Variants in PLCB2 observed in about 807,000 individuals in gnomAD.
PLCB2 encodes the protein 1-phosphatidylinositol 4,5-bisphosphate phosphodiesterase beta-2.
A neutral mutation model predicts 141.7 loss-of-function variants in PLCB2; 115 were observed. That is an observed-to-expected ratio of 0.81 (90% CI 0.70 to 0.95). The LOEUF is 0.95. Ranked by LOEUF, PLCB2 falls within the 40% of genes least tolerant of loss-of-function variation. The probability of loss-of-function intolerance (pLI) is 0.00; values close to 1 mark genes in which losing one functional copy is unlikely to be tolerated. For missense variants in PLCB2, 1,403 were observed against 1,541.1 expected, an observed-to-expected ratio of 0.91 and a Z score of 1.50; for synonymous variants, 603 against 595.6, an observed-to-expected ratio of 1.01 and a Z score of -0.18.
At chr15:40,301,801 T>A in intron 7 of PLCB2, 156 bp downstream of exon 7, 1 of 718,258 alleles carries the variant, frequency 1.4e-6, no homozygotes, top group Non-Finnish European at 2.5e-6. Context: ...CTGTGCCTAG[T>A]GTCAGTAACC....
At chr15:40,299,033 C>A (rs2141126689) in intron 8 of PLCB2, 69 bp from the exon 9 acceptor site, 2 of 1,581,066 alleles carry the variant, frequency 1.3e-6, no homozygotes, top group Non-Finnish European at 1.7e-6. Context: ...CCCCCTTGTC[C>A]AGTGAAGCCT....
chr15:40,294,170 A>C, intron 19 of PLCB2, 96 bp downstream of exon 19: 1 of 1,241,376 alleles, frequency 8.1e-7, no homozygotes, highest in Non-Finnish European at 1.2e-6. Flanking sequence ...CCAGGATATC[A>C]GGGGAGGGGG....
At position 40,291,459 on chromosome 15, in the gene PLCB2, G is replaced by T. The variant is rs1386368203; in HGVS notation, c.2676C>A (p.Leu892=). The T allele has an allele frequency of 3.2e-6, 5 of 1,563,780 alleles. No homozygotes were observed. The highest frequency in any genetic ancestry group is 4.3e-6 in the Non-Finnish European group (5 of 1,160,150). Residue 892 remains leucine (L), a synonymous_variant, in exon 26 of 32, where the codon CTC becomes CTA. Transcript: ENST00000260402. ...GCTTCACCACGCCCTTTAGCTCCCGGAGCTCCTCCAGGCTGGCGGTCCGCG... is the reference window on the plus strand; with the variant it reads ...GCTTCACCACGCCCTTTAGCTCCCGTAGCTCCTCCAGGCTGGCGGTCCGCG... The part of the protein sequence containing the change: ...AEPRTASLEE[L]RELKGVVKLQ...
downstream of PLCB2, chr15:40,286,175 T>C (rs2141010780): frequency 2.7e-6 from 1 of 371,100 alleles, no homozygotes; most frequent in Admixed American, 6.4e-5. Flanking sequence ...CTTAGGGAGC[T>C]GAAGGCTGAC....
Position 40,298,254 on chromosome 15 carries a change from C to A in PLCB2, c.1124G>T (p.Gly375Val). The change falls in exon 11 of 32, where the codon GGC becomes GTC. Residue 375 changes from glycine (G) to valine (V), a missense_variant. Coordinates refer to ENST00000260402, the MANE Select transcript of PLCB2 (RefSeq NM_004573.3). ...PPDEEPIITH[G>V]FTMTTDIFFK... ...GAAGATGTCTGTGGTCATGGTGAAG[C>A]CATGGGTGATAATGGGCTCCTCGTC... 6.3e-7 allele frequency: 1 copy of A among 1,583,154 alleles called. No individual in the cohort carries two copies. Among genetic ancestry groups the A allele is most frequent in the Non-Finnish European group, 8.6e-7 (1 of 1,163,398 alleles).
In PLCB2 at chr15:40,297,344, C is replaced by T. The variant is rs558439359; in HGVS notation, c.1323+177G>A. ...GCAGTGACTGTGTCTTTGTCACTAG[C>T]ATACCCTGAAGCCCAGCCCAGTGCC... On this transcript the variant is annotated intron_variant, in intron 13 of 31. Transcript: ENST00000260402. The surrounding 1 kb of genome is among the most constrained non-coding windows in gnomAD (Gnocchi z 4.2). Among the ~76,000 whole-genome samples the T allele has an allele frequency of 3.9e-5, 6 of 152,272 alleles. No homozygotes were observed. The East Asian group carries it at 1.2e-3, about 29-fold the overall frequency.
intron 11 of PLCB2, 71 bp from the exon 12 acceptor site, chr15:40,298,030 C>A (rs191333961): frequency 1.6e-6 from 2 of 1,278,916 alleles, no homozygotes; most frequent in African/African-American, 1.5e-5. Context: ...AGCACTTTTC[C>A]CCCCTGCCTA....
chr15:40,293,681 T>C lies in PLCB2; in HGVS notation c.2105A>G (p.Tyr702Cys), dbSNP rs201519816. 5.0e-6 allele frequency: 8 copies of C among 1,614,058 alleles called. No individual in the cohort carries two copies. Among genetic ancestry groups the C allele is most frequent in the Non-Finnish European group, 6.8e-6 (8 of 1,179,974 alleles). Residue 702 changes from tyrosine to cysteine, a missense_variant, in exon 20 of 32, where the codon TAT becomes TGT. Transcript: ENST00000260402. ...QFLSERSVRTYVEVELFGLPG... is the reference protein window; with the variant it reads ...QFLSERSVRTCVEVELFGLPG... ...AAGGCCAAACAGCTCCACTTCTACA[T>C]AGGTGCGCACGCTGCGTTCTGACAG...
At chr15:40,303,895 T>G in intron 2 of PLCB2, 106 bp downstream of exon 2, 1 of 774,958 alleles carries the variant, frequency 1.3e-6, no homozygotes, top group Non-Finnish European at 2.2e-6. Context: ...TCCAGGCCAT[T>G]CTGTACTCCC....
chr15:40,300,623 T>G (rs1307832335), intron 7 of PLCB2: 1 of 152,204 alleles, frequency 6.6e-6, no homozygotes, highest in Non-Finnish European at 1.5e-5. Context: ...GGATAAACCT[T>G]GAAAACATTA....
chr15:40,307,541 GC>G (rs2040858792), intron 1 of PLCB2, 47 bp downstream of exon 1: 4 of 1,234,756 alleles, frequency 3.2e-6, no homozygotes, highest in South Asian at 1.4e-5. Context: ...TAGCAGCCCG[GC>G]CCCCACCACC....
Position 40,301,999 on chromosome 15 carries a change from C to A in PLCB2, c.540G>T (p.Arg180=), listed in dbSNP as rs778370202. 4 of 1,614,128 alleles carry A rather than the reference C, an allele frequency of 2.5e-6. No homozygotes were observed. The South Asian group carries it at 4.4e-5, about 18-fold the overall frequency. Residue 180 remains arginine (R), a synonymous_variant, in exon 7 of 32, where the codon CGG becomes CGT. Transcript: ENST00000260402. ...GGCAGGCACTGAGAGCAGCTTCCAC[C>A]CGCTTGCGGTCAGCAGGAAACATCT... ...FFQMFPADRK[R]VEAALSACHL...
At chr15:40,289,469 A>T in intron 30 of PLCB2, 111 bp from the exon 31 acceptor site, 1 of 777,950 alleles carries the variant, frequency 1.3e-6, no homozygotes, top group Non-Finnish European at 2.3e-6. Context: ...AAATTCCTTA[A>T]CATTAGGTAG....
chr15:40,288,549 G>A lies in PLCB2; in HGVS notation c.*166C>T. ...CCTGCCGTGAGGGTGCCTGGGTCCT[G>A]TCTCAGACTCTGGCCTGGCCGTTGA... On this transcript the variant is annotated 3_prime_UTR_variant, in exon 32 of 32. Coordinates refer to ENST00000260402, the MANE Select transcript of PLCB2 (RefSeq NM_004573.3). 2.9e-6 allele frequency: 4 copies of A among 1,368,374 alleles called. No individual in the cohort carries two copies. The highest frequency in any genetic ancestry group is 3.9e-5 in the South Asian group (2 of 50,932). The allele number at this position is 1,368,374 out of a possible 1,614,324, so 84.8% of individuals were successfully genotyped here.
rs994964635 is a variant in PLCB2 at position 40,303,432 on chromosome 15, T to A, written c.163-76A>T. 2.9e-6 allele frequency: 3 copies of A among 1,020,722 alleles called. No individual in the cohort carries two copies. In the African/African-American group the frequency reaches 4.7e-5, roughly 16 times the overall value. The allele number at this position is 1,020,722 out of a possible 1,614,324, so 63.2% of individuals were successfully genotyped here. On this transcript the variant is annotated intron_variant, in intron 2 of 31. Coordinates refer to ENST00000260402, the MANE Select transcript of PLCB2 (RefSeq NM_004573.3). ...AAAAGTCCAGGTCAAGAATGAGCAA[T>A]AGGGAGAAGGGAGCTTCCACACCCT...
chr15:40,290,137 G>A (rs2039808017), intron 29 of PLCB2, 55 bp from the exon 30 acceptor site: 4 of 1,062,638 alleles, frequency 3.8e-6, no homozygotes, highest in African/African-American at 1.5e-5. Context: ...GGAGAGTAGG[G>A]TAACATGAAG....
At chr15:40,292,218 C>G (rs930398483) in intron 22 of PLCB2, 60 bp from the exon 23 acceptor site, 4 of 1,543,256 alleles carry the variant, frequency 2.6e-6, no homozygotes, top group Non-Finnish European at 1.8e-6. Flanking sequence ...TGGAAGTCTC[C>G]CCTGTCCTCA....
At chr15:40,293,505 G>A (rs1595646886) in intron 20 of PLCB2, 55 bp downstream of exon 20, 4 of 1,550,872 alleles carry the variant, frequency 2.6e-6, no homozygotes, top group Non-Finnish European at 3.6e-6. Flanking sequence ...CCTCTTGTCT[G>A]TAAGTAGAGG....
rs766696955 is a variant in PLCB2 at position 40,291,812 on chromosome 15, A to G, written c.2602+37T>C. ...GAAGTGCCTGTGGGTGCAGAGGTGG[A>G]GGTGCCCCCAGTAGGTGTGCGGACC... is the stretch of plus-strand genomic sequence containing the variant. On this transcript the variant is annotated intron_variant, in intron 24 of 31. Coordinates refer to ENST00000260402, the MANE Select transcript of PLCB2 (RefSeq NM_004573.3). 1.9e-6 allele frequency: 3 copies of G among 1,613,560 alleles called. No individual in the cohort carries two copies. The African/African-American group carries it at 4.0e-5, about 22-fold the overall frequency.
Sources: gnomAD v4.1 joint callset for allele counts (sites outside exome capture counted in the v4.1 genomes callset) on GRCh38, gnomAD v4.1.1 for gene constraint, Gnocchi (gnomAD v3.1) non-coding constraint, MANE v1.5 for transcripts, NCBI Gene and HGNC (gene_info 2026-07-23, HGNC 2026-07-21) for gene names.